GRHL1: variants seen among roughly 807,000 people sequenced by gnomAD.
The protein encoded by GRHL1 is grainyhead-like protein 1 homolog.
Under a neutral mutation model 75.7 loss-of-function variants are expected in GRHL1, and 38 were observed. The ratio of observed to expected loss-of-function variants is 0.50; its 90% CI spans 0.39 to 0.66. The LOEUF (loss-of-function observed/expected upper bound fraction) is 0.66. Among genes scored for constraint, GRHL1 ranks in the 30% least tolerant of loss-of-function variants. The probability of loss-of-function intolerance (pLI) is 0.00; values close to 1 mark genes in which losing one functional copy is unlikely to be tolerated. For missense variants in GRHL1, 589 were observed against 767.5 expected (o/e 0.77, Z 2.75); for synonymous variants, 266 against 279.4 (o/e 0.95, Z 0.48).
intron 3 of GRHL1, chr2:9,959,571 T>C (rs919851604): frequency 6.6e-6 from 1 of 152,232 alleles, no homozygotes; most frequent in Non-Finnish European, 1.5e-5. Flanking sequence ...TATTTTAATC[T>C]TCATAATTAT....
At chr2:9,995,756 A>G (rs532377204) in intron 12 of GRHL1, 123 bp from the exon 13 acceptor site, 12 of 666,326 alleles carry the variant, frequency 1.8e-5, no homozygotes, top group Admixed American at 1.7e-4. Flanking sequence ...CAAATAAGGA[A>G]GCTGGACCAG....
intron 8 of GRHL1, among the ~76,000 whole-genome samples, chr2:9,979,115 G>A (rs780058402): frequency 9.1e-5 from 11 of 121,322 alleles, no homozygotes; most frequent in South Asian, 2.5e-4. Flanking sequence ...AGCCGAGATC[G>A]CGCCACTGCA....
Position 9,955,119 on chromosome 2 carries a change from T to C in GRHL1, c.207+18T>C. ...ACTACAAGGTGGGTTTGCCTGCCTT[T>C]AAAACCCTTAACAGCAGTCTCCAAT... is the stretch of plus-strand genomic sequence containing the variant. On this transcript the variant is annotated intron_variant, in intron 2 of 15. Transcript: ENST00000324907. The C allele has an allele frequency of 6.4e-7, 1 of 1,561,136 alleles. No individual in the cohort carries two copies. Among genetic ancestry groups the C allele is most frequent in the Non-Finnish European group, 8.8e-7 (1 of 1,137,598 alleles).
intron 2 of GRHL1, among the ~76,000 whole-genome samples, chr2:9,957,688 C>T (rs1285965285): frequency 6.6e-6 from 1 of 152,154 alleles, no homozygotes; most frequent in African/African-American, 2.4e-5. Context: ...GGATTACAGG[C>T]GTGAGCCACC....
At chr2:9,985,276 C>T (rs2357392) in intron 8 of GRHL1, among the ~76,000 whole-genome samples, 7,302 of 152,220 alleles carry the variant, frequency 0.048, 276 homozygotes, top group African/African-American at 0.1. Context: ...AACATCTTCC[C>T]GGGTTATTCT....
At chr2:9,958,462 T>G (rs914628841) in intron 2 of GRHL1, among the ~76,000 whole-genome samples, 9 of 151,812 alleles carry the variant, frequency 5.9e-5, no homozygotes, top group African/African-American at 2.2e-4. Context: ...ATTACAGACA[T>G]GAGCCACCAG....
At chr2:9,958,983 A>G in intron 3 of GRHL1, 127 bp downstream of exon 3, 1 of 1,365,346 alleles carries the variant, frequency 7.3e-7, no homozygotes, top group Non-Finnish European at 9.7e-7. Context: ...GACTCTTACT[A>G]TCTAAATTCA....
chr2:9,961,234 C>T lies in GRHL1; in HGVS notation c.467C>T (p.Ser156Phe). ...TCCATAGCAACGATGCCTACCCACT[C>T]CATCAAGACAGAAACCCAGCCACAT... ...TVSIATMPTH[S>F]IKTETQPHGF... Residue 156 changes from serine to phenylalanine, a missense_variant, in exon 4 of 16, where the codon TCC becomes TTC. Ser to Phe is a radical substitution (Grantham distance 155, BLOSUM62 -2). This residue lies in a region of GRHL1 where 362 missense variants were observed against 461.8 expected (regional missense o/e 0.78). Transcript: ENST00000324907. 1 of 1,614,168 alleles carries T rather than the reference C, an allele frequency of 6.2e-7. No individual in the cohort carries two copies. The highest frequency in any genetic ancestry group is 8.5e-7 in the Non-Finnish European group (1 of 1,179,992).
chr2:9,972,782 C>G (rs1424825494), intron 8 of GRHL1, among the ~76,000 whole-genome samples: 3 of 152,216 alleles, frequency 2.0e-5, no homozygotes, highest in African/African-American at 7.2e-5. Context: ...TGCCAAATCA[C>G]TGTATATGCC....
rs6717804 is a variant in GRHL1 at position 9,990,933 on chromosome 2, A to G, written c.1321+186A>G. Among the ~76,000 whole-genome samples the G allele has an allele frequency of 0.2, 30,304 of 148,210 alleles. 3,126 individuals carry two copies. Among genetic ancestry groups the G allele is most frequent in the African/African-American group, 0.27 (10,193 of 37,890 alleles). On this transcript the variant is annotated intron_variant, in intron 10 of 15. Transcript: ENST00000324907. The surrounding 1 kb of genome is among the most constrained non-coding windows in gnomAD (Gnocchi z 4.2). Reference sequence around the variant, plus strand: ...CAGCAGCAGATGCCAGCTCAGCGGGAGGGGTTTTCCTGGGGACTACAGGAT... The same window carrying G: ...CAGCAGCAGATGCCAGCTCAGCGGGGGGGGTTTTCCTGGGGACTACAGGAT...
At chr2:9,962,011 G>A (rs557586125) in intron 4 of GRHL1, among the ~76,000 whole-genome samples, 7 of 152,260 alleles carry the variant, frequency 4.6e-5, no homozygotes, top group South Asian at 2.1e-4. Flanking sequence ...CCATCTCTGC[G>A]TATGGAGTTA....
Position 9,965,371 on chromosome 2 carries a change from A to G in GRHL1, c.1100A>G (p.Asp367Gly). ...NAISFTWDIN[D>G]EAKVFISVNC... ...ATTTCCTTCACATGGGACATCAACG[A>G]TGAAGCAAAGGTGGGTGGTGAGGTC... The change falls in exon 8 of 16, where the codon GAT becomes GGT. Residue 367 changes from aspartate (D) to glycine (G), a missense_variant. Physicochemically the swap from Asp to Gly is moderately conservative, Grantham distance 94 (BLOSUM62 -1). Coordinates refer to ENST00000324907, the MANE Select transcript of GRHL1 (RefSeq NM_198182.3). 1.2e-6 allele frequency: 2 copies of G among 1,600,252 alleles called. No homozygotes were observed. The highest frequency in any genetic ancestry group is 1.7e-6 in the Non-Finnish European group (2 of 1,167,356).
At chr2:9,965,156 C>G (rs147743851) in intron 7 of GRHL1, 131 bp from the exon 8 acceptor site, 8 of 559,826 alleles carry the variant, frequency 1.4e-5, no homozygotes, top group Non-Finnish European at 2.2e-5. Flanking sequence ...TTCTTCTAAT[C>G]GAACAAAATG....
intron 8 of GRHL1, among the ~76,000 whole-genome samples, chr2:9,969,728 TGA>T (rs1321690108): frequency 6.6e-6 from 1 of 151,980 alleles, no homozygotes; most frequent in East Asian, 1.9e-4. Flanking sequence ...GGGACACCTT[TGA>T]GAGAGTCAGC....
intron 8 of GRHL1, among the ~76,000 whole-genome samples, chr2:9,977,252 A>G (rs188851493): frequency 1.3e-3 from 202 of 152,340 alleles, no homozygotes; most frequent in Non-Finnish European, 2.6e-3. Context: ...TTGTATGCCC[A>G]TCGTTTTTCT....
At chr2:9,997,638 A>G (rs1668925048) in intron 14 of GRHL1, among the ~76,000 whole-genome samples, 1 of 151,980 alleles carries the variant, frequency 6.6e-6, no homozygotes, top group South Asian at 2.1e-4. Context: ...CCTGGCCAAC[A>G]TGGAGAAACC....
At chr2:9,955,703 A>G (rs946087806) in intron 2 of GRHL1, among the ~76,000 whole-genome samples, 2 of 152,226 alleles carry the variant, frequency 1.3e-5, no homozygotes, top group Admixed American at 6.5e-5. Context: ...AGCTGCCACT[A>G]TTATGCTAGA....
intron 8 of GRHL1, among the ~76,000 whole-genome samples, chr2:9,969,758 G>A (rs1667638236): frequency 6.6e-6 from 1 of 151,956 alleles, no homozygotes; most frequent in Non-Finnish European, 1.5e-5. Flanking sequence ...TATGGCAGAT[G>A]GGAAAACAGC....
intron 8 of GRHL1, among the ~76,000 whole-genome samples, chr2:9,970,480 C>T (rs578210251): frequency 9.8e-5 from 15 of 152,332 alleles, no homozygotes; most frequent in African/African-American, 2.9e-4. Context: ...ATCAAACCTT[C>T]GGAAGGAAGC....
Sources: allele counts gnomAD v4.1 joint callset (sites outside exome capture counted in the v4.1 genomes callset), GRCh38; gene constraint gnomAD v4.1.1; regional missense constraint gnomAD v4.1.1; non-coding constraint Gnocchi (gnomAD v3.1); transcripts MANE v1.5; gene names NCBI Gene and HGNC (gene_info 2026-07-23, HGNC 2026-07-21).